Variants in C1orf21 observed in about 807,000 individuals in gnomAD.
C1orf21 encodes uncharacterized protein C1orf21.
C1orf21 carries 3 observed loss-of-function variants against 18.7 expected under a neutral mutation model. That is an observed-to-expected ratio of 0.16 (90% CI 0.07 to 0.42). The LOEUF is 0.42. Ranked by LOEUF, C1orf21 falls within the 10% of genes least tolerant of loss-of-function variation. The pLI is 0.99. For missense variants in C1orf21, 104 were observed against 143.6 expected (o/e 0.72, Z 1.41); for synonymous variants, 41 against 46.4 (o/e 0.88, Z 0.47).
At chr1:184,410,954 G>A (rs1248708254) in intron 1 of C1orf21, among the ~76,000 whole-genome samples, 1 of 151,238 alleles carries the variant, frequency 6.6e-6, no homozygotes, top group Non-Finnish European at 1.5e-5. Flanking sequence ...GCCTGGCCTC[G>A]AAAATATTTT....
chr1:184,519,211 G>A (rs952086240), intron 3 of C1orf21, among the ~76,000 whole-genome samples: 3 of 152,148 alleles, frequency 2.0e-5, no homozygotes, highest in Non-Finnish European at 2.9e-5. Flanking sequence ...TTTTAAACAT[G>A]CTTTCCTTAG....
intron 3 of C1orf21, among the ~76,000 whole-genome samples, chr1:184,576,406 T>A (rs112235181): frequency 0.21 from 31,390 of 152,198 alleles, 3,760 homozygotes; most frequent in African/African-American, 0.33. Flanking sequence ...ATTACAGGCG[T>A]GAGCCACCGC....
At chr1:184,562,277 A>T (rs1658978853) in intron 3 of C1orf21, among the ~76,000 whole-genome samples, 1 of 152,224 alleles carries the variant, frequency 6.6e-6, no homozygotes, top group Admixed American at 6.5e-5. Flanking sequence ...TATTTGACTT[A>T]GTAATTTTCA....
intron 3 of C1orf21, among the ~76,000 whole-genome samples, chr1:184,579,578 T>G (rs1362086300): frequency 6.7e-6 from 1 of 148,234 alleles, no homozygotes; most frequent in Non-Finnish European, 1.5e-5. Flanking sequence ...TGGCACGATC[T>G]CAGCTCACTG....
intron 2 of C1orf21, among the ~76,000 whole-genome samples, chr1:184,495,112 T>C (rs1206474222): frequency 6.6e-6 from 1 of 152,230 alleles, no homozygotes; most frequent in Non-Finnish European, 1.5e-5. Context: ...TGCTTGTTCA[T>C]TTTTAGCAAG....
Position 184,548,641 on chromosome 1 carries a change from GA to G in C1orf21, c.189+40968del, listed in dbSNP as rs887313623. Among the ~76,000 whole-genome samples, 9 of 150,540 alleles carry G rather than the reference GA, an allele frequency of 6.0e-5. No homozygotes were observed. In the South Asian group the frequency reaches 6.3e-4, roughly 11 times the overall value. On this transcript the variant is annotated intron_variant, in intron 3 of 5. Transcript: ENST00000235307. ...TCAGGGAGTCTGTGAACTTCCATGA[GA>G]AAAAAAAATTACATCTTTATTTTCA...
chr1:184,539,114 GTA>G (rs1658605157), intron 3 of C1orf21, among the ~76,000 whole-genome samples: 2 of 152,126 alleles, frequency 1.3e-5, no homozygotes, highest in African/African-American at 4.8e-5. Context: ...TCACCATTGA[GTA>G]TGATGTTCAC....
At chr1:184,499,895 A>C (rs1222006263) in intron 2 of C1orf21, among the ~76,000 whole-genome samples, 1 of 152,204 alleles carries the variant, frequency 6.6e-6, no homozygotes, top group African/African-American at 2.4e-5. Flanking sequence ...GTGGTTACCA[A>C]GGATAACAGG....
chr1:184,411,747 A>G (rs1395965394), intron 1 of C1orf21, among the ~76,000 whole-genome samples: 1 of 152,200 alleles, frequency 6.6e-6, no homozygotes, highest in East Asian at 1.9e-4. Context: ...TTAAGAAGCC[A>G]TATATAAGAG....
chr1:184,563,316 A>C (rs1171655076), intron 3 of C1orf21, among the ~76,000 whole-genome samples: 1 of 152,236 alleles, frequency 6.6e-6, no homozygotes, highest in Non-Finnish European at 1.5e-5. Context: ...ATAAAAATTA[A>C]CTGCACATGT....
intron 1 of C1orf21, among the ~76,000 whole-genome samples, chr1:184,419,451 G>A (rs146356483): frequency 2.3e-3 from 345 of 152,218 alleles, no homozygotes; most frequent in Middle Eastern, 0.017. Context: ...GCAATAAAAG[G>A]TCTTATTCAT....
chr1:184,518,657 T>C (rs1658263793), intron 3 of C1orf21, among the ~76,000 whole-genome samples: 2 of 152,136 alleles, frequency 1.3e-5, no homozygotes, highest in Admixed American at 1.3e-4. Flanking sequence ...GAACTGACCA[T>C]ATTCAGGTGA....
At chr1:184,449,630 C>T (rs531703650) in intron 1 of C1orf21, among the ~76,000 whole-genome samples, 65 of 152,206 alleles carry the variant, frequency 4.3e-4, no homozygotes, top group Admixed American at 1.3e-3. Flanking sequence ...TACTCAGGAA[C>T]CACTGAGCTA....
At chr1:184,597,295 G>A (rs904915868) in intron 4 of C1orf21, among the ~76,000 whole-genome samples, 19 of 152,172 alleles carry the variant, frequency 1.2e-4, no homozygotes, top group African/African-American at 4.3e-4. Context: ...TGATAACCGA[G>A]TTAATGTCAT....
intron 1 of C1orf21, among the ~76,000 whole-genome samples, chr1:184,422,118 C>T (rs1656555371): frequency 6.6e-6 from 1 of 152,118 alleles, no homozygotes; most frequent in Non-Finnish European, 1.5e-5. Flanking sequence ...TTCAGTGGGT[C>T]AAGATGGCTA....
chr1:184,569,953 G>A lies in C1orf21; in HGVS notation c.190-20786G>A, dbSNP rs370556949. Among the ~76,000 whole-genome samples, 17 of 152,282 alleles carry A rather than the reference G, an allele frequency of 1.1e-4. No individual in the cohort carries two copies. In the East Asian group the frequency reaches 2.7e-3, roughly 24 times the overall value. On this transcript the variant is annotated intron_variant, in intron 3 of 5. Coordinates refer to ENST00000235307, the MANE Select transcript of C1orf21 (RefSeq NM_030806.4). ...TAACTGAGTCTTCAAAAAGTAGCAT[G>A]GACACTGCAGTCTGGTCTATCCAAA...
intron 3 of C1orf21, among the ~76,000 whole-genome samples, chr1:184,560,810 A>G (rs1479019362): frequency 1.3e-5 from 2 of 152,222 alleles, no homozygotes; most frequent in Non-Finnish European, 2.9e-5. Flanking sequence ...TATGAAATTA[A>G]TTCTTCACTT....
chr1:184,567,491 G>A, intron 3 of C1orf21: 1 of 539,016 alleles, frequency 1.9e-6, no homozygotes, highest in East Asian at 5.1e-5. Flanking sequence ...TTGGATTGTA[G>A]GGAAGCTGAG....
chr1:184,394,162 A>G (rs922766509), intron 1 of C1orf21, among the ~76,000 whole-genome samples: 2 of 152,238 alleles, frequency 1.3e-5, no homozygotes, highest in African/African-American at 4.8e-5. Context: ...TAGATCCAAC[A>G]TTTGTTATGC....
Sources: gnomAD v4.1 joint callset for allele counts (sites outside exome capture counted in the v4.1 genomes callset) on GRCh38, gnomAD v4.1.1 for gene constraint, MANE v1.5 for transcripts, NCBI Gene and HGNC (gene_info 2026-07-23, HGNC 2026-07-21) for gene names.